Variants in BRI3 observed in about 807,000 individuals in gnomAD.
The protein encoded by BRI3 is brain protein I3, also known as membrane protein BRI3.
In BRI3, 6 loss-of-function variants were observed where a neutral mutation model predicts 12.8. That is an observed-to-expected ratio of 0.47 (90% confidence interval 0.26 to 0.93). The LOEUF (loss-of-function observed/expected upper bound fraction) is 0.93. Ranked by LOEUF, BRI3 falls within the 40% of genes least tolerant of loss-of-function variation. The pLI is 0.15. For missense variants in BRI3, 134 were observed against 171.1 expected (o/e 0.78, Z 1.21); for synonymous variants, 91 against 76.1 (o/e 1.20, Z -1.02).
chr7:98,286,034 C>G (rs1799701823), intron 2 of BRI3, among the ~76,000 whole-genome samples: 1 of 152,168 alleles, frequency 6.6e-6, no homozygotes, highest in Non-Finnish European at 1.5e-5. Context: ...GCCCTAGGGC[C>G]AGCCCCCTGT....
the BRI3 span, among the ~76,000 whole-genome samples, chr7:98,316,920 G>C: frequency 1.3e-5 from 2 of 151,452 alleles, no homozygotes; most frequent in Non-Finnish European, 2.9e-5. Context: ...CTGGAGTGCA[G>C]TGGCATAATC....
At chr7:98,317,159 C>T in the BRI3 span, 1 of 1,610,496 alleles carries the variant, frequency 6.2e-7, no homozygotes, top group South Asian at 1.1e-5. Context: ...GGCTAACCTC[C>T]TCTTAAACTG....
At chr7:98,288,069 G>A (rs1799771523) in intron 2 of BRI3, among the ~76,000 whole-genome samples, 1 of 152,200 alleles carries the variant, frequency 6.6e-6, no homozygotes, top group Admixed American at 6.5e-5. Flanking sequence ...CTCTCCCCTA[G>A]AAGGATTTCT....
chr7:98,294,483 T>C (rs373197391), downstream of BRI3, among the ~76,000 whole-genome samples: 8 of 152,328 alleles, frequency 5.3e-5, no homozygotes, highest in East Asian at 9.6e-4. Flanking sequence ...TGGCACTGCC[T>C]GCGCGGGTCA....
At chr7:98,284,733 C>T (rs1799654678) in intron 2 of BRI3, among the ~76,000 whole-genome samples, 1 of 152,228 alleles carries the variant, frequency 6.6e-6, no homozygotes, top group Admixed American at 6.5e-5. Context: ...CTGCCCTGGC[C>T]AGGCCTTCGC....
intron 2 of BRI3, among the ~76,000 whole-genome samples, chr7:98,286,710 G>T (rs1408776245): frequency 6.6e-6 from 1 of 152,178 alleles, no homozygotes; most frequent in East Asian, 1.9e-4. Context: ...AGAAGATTTG[G>T]GGTTTTAAAA....
downstream of BRI3, among the ~76,000 whole-genome samples, chr7:98,312,707 A>T (rs969753189): frequency 1.3e-5 from 2 of 152,110 alleles, no homozygotes; most frequent in African/African-American, 4.8e-5. Flanking sequence ...TTCAGACATT[A>T]GAGAAGTGAA....
rs570024859 is a variant in BRI3, at chr7:98,300,764, G to A, written c.72-5719G>A. Among the ~76,000 whole-genome samples the A allele has an allele frequency of 5.9e-5, 9 of 152,198 alleles. No individual in the cohort carries two copies. In the South Asian group the frequency reaches 1.7e-3, roughly 28 times the overall value. On this transcript the variant is annotated intron_variant and NMD_transcript_variant, in intron 1 of 2. Transcript: ENST00000491463. Reference sequence around the variant, plus strand: ...ACAGGCTGGCGGCACCACTCCCCTCGCAGGCCAGCCAGAAGCCAGGCAGCA... The same window carrying A: ...ACAGGCTGGCGGCACCACTCCCCTCACAGGCCAGCCAGAAGCCAGGCAGCA...
chr7:98,288,237 C>T (rs1302303302), intron 2 of BRI3, among the ~76,000 whole-genome samples: 3 of 152,204 alleles, frequency 2.0e-5, no homozygotes, highest in East Asian at 3.9e-4. Flanking sequence ...CTCCAGCTCC[C>T]CCGGAACCTG....
downstream of BRI3, among the ~76,000 whole-genome samples, chr7:98,314,235 G>A (rs1375080320): frequency 6.6e-6 from 1 of 152,004 alleles, no homozygotes; most frequent in Non-Finnish European, 1.5e-5. Context: ...CACCCACTTT[G>A]GTCTCCCAAA....
chr7:98,293,529 T>C (rs1421515060), downstream of BRI3: 1 of 1,613,372 alleles, frequency 6.2e-7, no homozygotes, highest in Admixed American at 1.7e-5. Flanking sequence ...TCTCATCGAA[T>C]GATGGGTGCC....
In BRI3 at chr7:98,281,693, C is replaced by A; in HGVS notation, c.-103C>A. On this transcript the variant is annotated 5_prime_UTR_variant, in exon 1 of 3. Transcript: ENST00000297290. Reference sequence around the variant, plus strand: ...CCGCCCCGCGTCTGCCTCAGAGGGGCCCGAGCCACCCGGTCCGCCGCGTCC... The same window carrying A: ...CCGCCCCGCGTCTGCCTCAGAGGGGACCGAGCCACCCGGTCCGCCGCGTCC... The A allele has an allele frequency of 2.5e-6, 1 of 405,684 alleles. No individual in the cohort carries two copies. Among genetic ancestry groups the A allele is most frequent in the Non-Finnish European group, 3.3e-6 (1 of 302,146 alleles). 25.1% of individuals were successfully genotyped at this position (405,684 alleles called of 1,614,324 possible).
downstream of BRI3, among the ~76,000 whole-genome samples, chr7:98,314,161 T>G (rs1800987621): frequency 6.6e-6 from 1 of 151,858 alleles, no homozygotes; most frequent in African/African-American, 2.4e-5. Context: ...TTTTGTATTT[T>G]TAGTAGAGAC....
chr7:98,308,066 A>C, exon 2 of BRI3: 2 of 735,324 alleles, frequency 2.7e-6, no homozygotes, highest in East Asian at 5.4e-5. Context: ...CAGAAGGAAC[A>C]GGGACTGTTG....
chr7:98,304,457 G>A (rs1800554685), upstream of BRI3: 2 of 1,406,706 alleles, frequency 1.4e-6, no homozygotes, highest in Non-Finnish European at 2.0e-6. Context: ...CCCTGACCAA[G>A]GACAACAGTA....
At chr7:98,289,570 C>T (rs190270476) in intron 2 of BRI3, among the ~76,000 whole-genome samples, 2 of 152,246 alleles carry the variant, frequency 1.3e-5, no homozygotes, top group East Asian at 3.9e-4. Context: ...CCCCTTCCCC[C>T]CTAAGCACCA....
At position 98,282,281 on chromosome 7, in the gene BRI3, G is replaced by A; in HGVS notation, c.143-70G>A. On this transcript the variant is annotated intron_variant, in intron 1 of 2. Transcript: ENST00000297290. The stretch of plus-strand genomic sequence containing the variant: ...TAGCGGGGTGGAGGTTGAGGGGACA[G>A]GATGAGTAGTCCCCGTGGCGGTCCG... 3.8e-6 allele frequency: 5 copies of A among 1,306,946 alleles called. No homozygotes were observed. The South Asian group carries it at 6.2e-5, about 16-fold the overall frequency. 81.0% of individuals were successfully genotyped at this position (1,306,946 alleles called of 1,614,324 possible).
chr7:98,310,812 G>C (rs572355340), downstream of BRI3, among the ~76,000 whole-genome samples: 142 of 152,208 alleles, frequency 9.3e-4, 2 homozygotes, highest in African/African-American at 3.3e-3. Context: ...TCAGCCTCTT[G>C]AGTAGCTGGA....
chr7:98,282,706 C>T (rs1799567667), intron 2 of BRI3: 2 of 476,828 alleles, frequency 4.2e-6, no homozygotes, highest in Non-Finnish European at 3.8e-6. Flanking sequence ...TGGGGCATTG[C>T]ACCCCAAGTG....
Sources: gnomAD v4.1 joint callset for allele counts (sites outside exome capture counted in the v4.1 genomes callset) on GRCh38, gnomAD v4.1.1 for gene constraint, MANE v1.5 for transcripts, NCBI Gene and HGNC (gene_info 2026-07-23, HGNC 2026-07-21) for gene names.